SLC44A5: variants seen among roughly 807,000 people sequenced by gnomAD.
SLC44A5 encodes the protein choline transporter-like protein 5.
A neutral mutation model predicts 101.8 loss-of-function variants in SLC44A5; 57 were observed. The observed-to-expected ratio is 0.56, with a 90% CI of 0.45 to 0.70. The LOEUF is 0.70. Among genes scored for constraint, SLC44A5 ranks in the 30% least tolerant of loss-of-function variants. SLC44A5 has a pLI of 0.00. For synonymous variants in SLC44A5, 281 were observed against 290.9 expected (o/e 0.97, Z 0.35); for missense variants, 737 against 853.1 (o/e 0.86, Z 1.70).
chr1:75,718,177 C>G, the SLC44A5 span, among the ~76,000 whole-genome samples: 1 of 152,306 alleles, frequency 6.6e-6, no homozygotes, highest in South Asian at 2.1e-4. Context: ...GCATGTTTCT[C>G]CTACTTAGTA....
At chr1:75,406,411 A>G (rs537162950) in intron 2 of SLC44A5, among the ~76,000 whole-genome samples, 1 of 152,310 alleles carries the variant, frequency 6.6e-6, no homozygotes, top group African/African-American at 2.4e-5. Flanking sequence ...CACAACAGAA[A>G]AAGAAAATTT....
chr1:75,450,325 G>A lies in SLC44A5; in HGVS notation c.14-53704C>T, dbSNP rs575060224. Among the ~76,000 whole-genome samples, 49 of 152,300 alleles carry A rather than the reference G, an allele frequency of 3.2e-4. No individual in the cohort carries two copies. In the East Asian group the frequency reaches 6.0e-3, roughly 19 times the overall value. ...CTTCCTGATACTGTGAGGGAAAGGC[G>A]CCAGGAAAAGCTGTAGACATTTTCC... is the stretch of plus-strand genomic sequence containing the variant. On this transcript the variant is annotated intron_variant, in intron 2 of 23. Transcript: ENST00000370859.
intron 3 of SLC44A5, among the ~76,000 whole-genome samples, chr1:75,393,902 G>T (rs774111777): frequency 6.6e-6 from 1 of 152,154 alleles, no homozygotes; most frequent in Non-Finnish European, 1.5e-5. Context: ...TTAGAGAAAG[G>T]AAGGTAGACA....
chr1:75,298,540 CGGA>C (rs1654149024), intron 5 of SLC44A5, among the ~76,000 whole-genome samples: 2 of 152,060 alleles, frequency 1.3e-5, no homozygotes, highest in African/African-American at 4.8e-5. Context: ...GTTTTGTCTA[CGGA>C]AGAGTGGCAG....
chr1:75,269,894 A>G (rs894844792), intron 6 of SLC44A5, among the ~76,000 whole-genome samples: 4 of 152,088 alleles, frequency 2.6e-5, no homozygotes, highest in African/African-American at 9.7e-5. Context: ...GTGGGAGGGA[A>G]CCCGTGGGAG....
At chr1:75,285,376 T>G (rs1460040551) in intron 5 of SLC44A5, among the ~76,000 whole-genome samples, 1 of 152,256 alleles carries the variant, frequency 6.6e-6, no homozygotes, top group East Asian at 1.9e-4. Context: ...TTCTCTCTTC[T>G]TGATTAATCT....
chr1:75,532,818 T>C (rs531416585), intron 2 of SLC44A5, among the ~76,000 whole-genome samples: 1 of 152,268 alleles, frequency 6.6e-6, no homozygotes, highest in South Asian at 2.1e-4. Context: ...GGTGGGCAGA[T>C]AGCCTGAGCT....
the SLC44A5 span, among the ~76,000 whole-genome samples, chr1:75,664,171 C>T: frequency 6.6e-6 from 1 of 152,226 alleles, no homozygotes; most frequent in East Asian, 1.9e-4. Flanking sequence ...TAAGAGCCAC[C>T]TATGACAAAT....
At chr1:75,612,326 T>C (rs1261762659), upstream of SLC44A5, among the ~76,000 whole-genome samples, 1 of 152,168 alleles carries the variant, frequency 6.6e-6, no homozygotes, top group Non-Finnish European at 1.5e-5. Context: ...TATTCCTTTT[T>C]ATGACCAAAA....
chr1:75,222,286 A>G lies in SLC44A5; in HGVS notation c.1085+75T>C, dbSNP rs934614212. 3 of 1,094,468 alleles carry G rather than the reference A, an allele frequency of 2.7e-6. No homozygotes were observed. In the African/African-American group the frequency reaches 4.7e-5, roughly 17 times the overall value. The allele number at this position is 1,094,468 out of a possible 1,614,324, so 67.8% of individuals were successfully genotyped here. ...TGTTCTTAAAAGGAAAATAGGTGAG[A>G]TATTTATGCAAGGGACAGTGACTGA... On this transcript the variant is annotated intron_variant, in intron 14 of 23. Transcript: ENST00000370859.
At chr1:75,645,829 C>T in the SLC44A5 span, among the ~76,000 whole-genome samples, 2 of 135,974 alleles carry the variant, frequency 1.5e-5, 1 homozygote, top group Admixed American at 1.5e-4. Context: ...AGGAAGGAAC[C>T]AGTTTCAGCT....
At chr1:75,602,309 CCTT>C (rs1675026010) in intron 1 of SLC44A5, among the ~76,000 whole-genome samples, 1 of 152,064 alleles carries the variant, frequency 6.6e-6, no homozygotes, top group African/African-American at 2.4e-5. Flanking sequence ...AAGGCTATGT[CCTT>C]CTTTTGTCTT....
chr1:75,429,057 A>C (rs968510165), intron 2 of SLC44A5, among the ~76,000 whole-genome samples: 1 of 152,224 alleles, frequency 6.6e-6, no homozygotes, highest in Non-Finnish European at 1.5e-5. Context: ...TTTAAAGAGG[A>C]CATGTGCCTG....
chr1:75,551,420 G>A (rs2101981173), intron 1 of SLC44A5, among the ~76,000 whole-genome samples: 1 of 152,158 alleles, frequency 6.6e-6, no homozygotes, highest in African/African-American at 2.4e-5. Flanking sequence ...CTAATTTTAT[G>A]CTTTCTTGGG....
chr1:75,681,097 A>T, the SLC44A5 span, among the ~76,000 whole-genome samples: 1 of 151,832 alleles, frequency 6.6e-6, no homozygotes, highest in South Asian at 2.1e-4. Context: ...CAATAACAGG[A>T]TCTGAAATTG....
the SLC44A5 span, among the ~76,000 whole-genome samples, chr1:75,643,071 T>TTC: frequency 6.6e-6 from 1 of 152,184 alleles, no homozygotes; most frequent in African/African-American, 2.4e-5. Context: ...TTTCCTATAC[T>TTC]GATTTTTACT....
At chr1:75,594,648 A>C (rs1436288250) in intron 1 of SLC44A5, among the ~76,000 whole-genome samples, 1 of 152,040 alleles carries the variant, frequency 6.6e-6, no homozygotes, top group African/African-American at 2.4e-5. Context: ...TATCTTTATA[A>C]ATAAGAAAAT....
intron 3 of SLC44A5, among the ~76,000 whole-genome samples, chr1:75,376,326 G>C (rs1660605844): frequency 6.6e-6 from 1 of 152,214 alleles, no homozygotes; most frequent in Non-Finnish European, 1.5e-5. Context: ...CAACTGGGTG[G>C]AGCCCACCAC....
intron 4 of SLC44A5, among the ~76,000 whole-genome samples, chr1:75,324,995 G>C (rs1270934360): frequency 6.6e-6 from 1 of 152,118 alleles, no homozygotes; most frequent in African/African-American, 2.4e-5. Flanking sequence ...TCTTGTACTA[G>C]GGGATGAGGA....
Sources: allele counts gnomAD v4.1 joint callset (sites outside exome capture counted in the v4.1 genomes callset), GRCh38; gene constraint gnomAD v4.1.1; transcripts MANE v1.5; gene names NCBI Gene and HGNC (gene_info 2026-07-23, HGNC 2026-07-21).